SPMIP2: variants seen among roughly 807,000 people sequenced by gnomAD.
SPMIP2 encodes the protein sperm microtubule inner protein 2.
At chr4:158,893,629 G>C in the SPMIP2 span, 1 of 1,320,112 alleles carries the variant, frequency 7.6e-7, no homozygotes, top group East Asian at 2.4e-5. Flanking sequence ...GGATTATTAT[G>C]ATCTTATTTT....
chr4:158,961,323 C>CA, the SPMIP2 span, among the ~76,000 whole-genome samples: 1 of 152,076 alleles, frequency 6.6e-6, no homozygotes, highest in East Asian at 1.9e-4. Context: ...CCATAGAGTT[C>CA]TTTGTGCTTG....
chr4:158,988,180 A>G, the SPMIP2 span, among the ~76,000 whole-genome samples: 1 of 152,190 alleles, frequency 6.6e-6, no homozygotes, highest in Non-Finnish European at 1.5e-5. Context: ...CACCCTCCCA[A>G]GTCTAAAGTA....
At chr4:158,969,975 TAAG>T in the SPMIP2 span, among the ~76,000 whole-genome samples, 2,963 of 152,248 alleles carry the variant, frequency 0.019, 91 homozygotes, top group African/African-American at 0.067. Context: ...TATAGACAGA[TAAG>T]AAACTGGAGA....
At chr4:159,053,996 T>G in the SPMIP2 span, among the ~76,000 whole-genome samples, 12 of 151,900 alleles carry the variant, frequency 7.9e-5, no homozygotes, top group African/African-American at 2.9e-4. Flanking sequence ...TTTAAAGAGA[T>G]GGAATCTTGT....
the SPMIP2 span, among the ~76,000 whole-genome samples, chr4:159,002,019 A>G: frequency 6.6e-6 from 1 of 152,172 alleles, no homozygotes; most frequent in African/African-American, 2.4e-5. Context: ...CTTTTTAATA[A>G]TAGCCATCCT....
the SPMIP2 span, among the ~76,000 whole-genome samples, chr4:159,036,589 C>G: frequency 6.6e-6 from 1 of 152,216 alleles, no homozygotes; most frequent in Non-Finnish European, 1.5e-5. Flanking sequence ...CCCCCACTTT[C>G]AGAGAACCCG....
At chr4:159,046,865 G>A in the SPMIP2 span, among the ~76,000 whole-genome samples, 4 of 152,178 alleles carry the variant, frequency 2.6e-5, no homozygotes, top group African/African-American at 4.8e-5. Flanking sequence ...GAGCAACTAC[G>A]CCCAGCCCTT....
chr4:159,009,839 A>G, the SPMIP2 span, among the ~76,000 whole-genome samples: 2 of 152,260 alleles, frequency 1.3e-5, no homozygotes, highest in South Asian at 4.1e-4. Context: ...TACAAAAATT[A>G]GCCCGACACA....
At chr4:158,913,752 G>T in the SPMIP2 span, among the ~76,000 whole-genome samples, 58 of 151,820 alleles carry the variant, frequency 3.8e-4, no homozygotes, top group East Asian at 0.011. Flanking sequence ...AGGATTGTTT[G>T]AACCCAGGAG....
the SPMIP2 span, chr4:158,895,861 C>T: frequency 6.2e-7 from 1 of 1,608,730 alleles, no homozygotes; most frequent in South Asian, 1.1e-5. Flanking sequence ...AGGTGTCGTA[C>T]TGGGGTGAGT....
chr4:159,066,589 TTATATATATATA>T, the SPMIP2 span, among the ~76,000 whole-genome samples: 4 of 76,632 alleles, frequency 5.2e-5, no homozygotes, highest in Non-Finnish European at 8.3e-5. Context: ...TGTGTGTATT[TTATATATATATA>T]TATATATATA....
the SPMIP2 span, among the ~76,000 whole-genome samples, chr4:158,994,405 T>G: frequency 1.3e-5 from 2 of 152,212 alleles, no homozygotes; most frequent in Non-Finnish European, 2.9e-5. Context: ...TATTCTGGAA[T>G]TTATGTTAAG....
chr4:158,972,100 G>A, the SPMIP2 span, among the ~76,000 whole-genome samples: 1 of 152,174 alleles, frequency 6.6e-6, no homozygotes, highest in African/African-American at 2.4e-5. Flanking sequence ...GGTGGCTCAC[G>A]CCTATAACCC....
chr4:159,073,089 C>T, the SPMIP2 span, among the ~76,000 whole-genome samples: 2 of 152,184 alleles, frequency 1.3e-5, no homozygotes, highest in African/African-American at 4.8e-5. Context: ...TTTGAATCCA[C>T]ACAATGTCAC....
the SPMIP2 span, among the ~76,000 whole-genome samples, chr4:159,042,928 G>T: frequency 6.6e-6 from 1 of 152,166 alleles, no homozygotes; most frequent in South Asian, 2.1e-4. Flanking sequence ...CTCCCCAAGT[G>T]CTGGGATTAC....
chr4:158,980,850 G>A, the SPMIP2 span, among the ~76,000 whole-genome samples: 1 of 152,184 alleles, frequency 6.6e-6, no homozygotes, highest in Non-Finnish European at 1.5e-5. Context: ...AAACTGGACG[G>A]AGAATGAGTT....
chr4:159,037,138 G>A, the SPMIP2 span, among the ~76,000 whole-genome samples: 3 of 152,152 alleles, frequency 2.0e-5, no homozygotes, highest in African/African-American at 4.8e-5. Flanking sequence ...GGGGAAATGC[G>A]GGCTTCTGCT....
the SPMIP2 span, among the ~76,000 whole-genome samples, chr4:159,080,989 C>T: frequency 6.6e-6 from 1 of 150,854 alleles, no homozygotes; most frequent in African/African-American, 2.4e-5. Flanking sequence ...TCCCAAAGTT[C>T]TGGGATTACA....
chr4:158,915,783 G>A, the SPMIP2 span, among the ~76,000 whole-genome samples: 1 of 152,286 alleles, frequency 6.6e-6, no homozygotes, highest in East Asian at 1.9e-4. Context: ...CTCTGGCTTT[G>A]GACTGCATTT....
Sources: allele counts gnomAD v4.1 joint callset (sites outside exome capture counted in the v4.1 genomes callset), GRCh38; gene constraint gnomAD v4.1.1; transcripts MANE v1.5; gene names NCBI Gene and HGNC (gene_info 2026-07-23, HGNC 2026-07-21).